The following FBXL20 variants were observed in gnomAD, a reference collection of about 807,000 sequenced individuals.
FBXL20 encodes the protein F-box and leucine rich repeat protein 20, also known as F-box/LRR-repeat protein 20.
In FBXL20, 11 loss-of-function variants were observed where a neutral mutation model predicts 64.0. That is an observed-to-expected ratio of 0.17 (90% CI 0.11 to 0.28). The LOEUF (loss-of-function observed/expected upper bound fraction) is 0.28, where lower values mean the gene tolerates loss of function less well. Among genes scored for constraint, FBXL20 ranks in the 10% least tolerant of loss-of-function variants. The pLI is 1.00. For synonymous variants in FBXL20, 184 were observed against 189.0 expected, an observed-to-expected ratio of 0.97 and a Z score of 0.22; for missense variants, 303 against 526.2, an observed-to-expected ratio of 0.58 and a Z score of 4.15.
chr17:39,401,770 C>T (rs1417317211), upstream of FBXL20: 1 of 1,026,700 alleles, frequency 9.7e-7, no homozygotes, highest in Non-Finnish European at 1.2e-6. Flanking sequence ...GGCGCGAGAC[C>T]ACCCCTCCCC....
In FBXL20 at chr17:39,337,027, T is replaced by C. The variant is rs188896661; in HGVS notation, c.104+6153A>G. Among the ~76,000 whole-genome samples, 219 of 150,992 alleles carry C rather than the reference T, an allele frequency of 1.5e-3. 1 individual carries two copies. Among genetic ancestry groups the C allele is most frequent in the African/African-American group, 5.3e-3 (214 of 40,490 alleles). ...TCCCTCTCTTTCCACCGTCTCCCTC[T>C]GATGCTGAGCCGAAGCTGGACTGTA... On this transcript the variant is annotated intron_variant, in intron 2 of 14. Transcript: ENST00000264658.
chr17:39,379,998 A>G (rs1220238708), intron 1 of FBXL20, among the ~76,000 whole-genome samples: 3 of 151,968 alleles, frequency 2.0e-5, no homozygotes, highest in Non-Finnish European at 4.4e-5. Context: ...AATTAGAAAT[A>G]AATATATATA....
At chr17:39,364,230 T>C (rs2047835628) in intron 1 of FBXL20, among the ~76,000 whole-genome samples, 1 of 152,176 alleles carries the variant, frequency 6.6e-6, no homozygotes, top group Admixed American at 6.6e-5. Flanking sequence ...CCCTTTGCAA[T>C]GCAATTTTGT....
At chr17:39,283,217 G>A (rs2046962360) in intron 7 of FBXL20, among the ~76,000 whole-genome samples, 1 of 152,132 alleles carries the variant, frequency 6.6e-6, no homozygotes, top group South Asian at 2.1e-4. Context: ...TTCAAAACGA[G>A]ATTCTCCATC....
At chr17:39,280,728 C>T (rs1239095052) in intron 9 of FBXL20, among the ~76,000 whole-genome samples, 1 of 151,962 alleles carries the variant, frequency 6.6e-6, no homozygotes, top group Non-Finnish European at 1.5e-5. Flanking sequence ...AATATAGATG[C>T]TACTTGAAAA....
chr17:39,307,438 T>C (rs541610804), intron 2 of FBXL20, among the ~76,000 whole-genome samples: 1 of 152,104 alleles, frequency 6.6e-6, no homozygotes, highest in African/African-American at 2.4e-5. Context: ...GTAGACGAAA[T>C]AGTGGGTGTA....
At chr17:39,312,107 A>G (rs996554124) in intron 2 of FBXL20, among the ~76,000 whole-genome samples, 1 of 152,156 alleles carries the variant, frequency 6.6e-6, no homozygotes, top group Non-Finnish European at 1.5e-5. Context: ...TATAGTCACT[A>G]TGTTCCTCTA....
intron 2 of FBXL20, among the ~76,000 whole-genome samples, chr17:39,333,947 A>C (rs999436728): frequency 1.0e-4 from 15 of 147,386 alleles, no homozygotes; most frequent in Admixed American, 2.7e-4. Context: ...CCCTCTGCCC[A>C]GCCGCCACCC....
chr17:39,266,975 AG>A (rs1471566712), intron 12 of FBXL20, among the ~76,000 whole-genome samples: 1 of 151,654 alleles, frequency 6.6e-6, no homozygotes. Flanking sequence ...GAGCAGGGCC[AG>A]ACATGGTAGT....
chr17:39,337,714 T>C (rs1324606599), intron 2 of FBXL20, among the ~76,000 whole-genome samples: 2 of 148,088 alleles, frequency 1.4e-5, no homozygotes, highest in East Asian at 2.1e-4. Flanking sequence ...GCCCGGCAGT[T>C]GCCCCGTCTG....
intron 1 of FBXL20, among the ~76,000 whole-genome samples, chr17:39,396,608 A>AAG (rs1555616348): frequency 6.6e-6 from 1 of 151,152 alleles, no homozygotes; most frequent in African/African-American, 2.4e-5. Flanking sequence ...AAAAAAAAAA[A>AAG]AAAGAAAGAA....
At chr17:39,319,157 G>C (rs910626247) in intron 2 of FBXL20, among the ~76,000 whole-genome samples, 1 of 151,820 alleles carries the variant, frequency 6.6e-6, no homozygotes, top group Non-Finnish European at 1.5e-5. Context: ...GCTGAGGCAG[G>C]AGAATCGCTT....
chr17:39,331,357 T>G (rs951133607), intron 2 of FBXL20, among the ~76,000 whole-genome samples: 1 of 152,206 alleles, frequency 6.6e-6, no homozygotes, highest in African/African-American at 2.4e-5. Flanking sequence ...CGCCTCGGCC[T>G]CCCAGAGTGC....
rs999195071 is a variant in FBXL20, at chr17:39,253,444, T to G, written c.*8016A>C. The G allele has an allele frequency of 6.6e-6, 1 of 152,150 alleles. No homozygotes were observed. Among genetic ancestry groups the G allele is most frequent in the Non-Finnish European group, 1.5e-5 (1 of 68,020 alleles). The allele number at this position is 152,150 out of a possible 1,614,324, so 9.4% of individuals were successfully genotyped here. A position where few individuals can be genotyped will look rare whatever the true frequency, so the allele number is the denominator to read the frequency against. ...AAACAGGAATGGAGAAAAACAAAAT[T>G]AAGAAATGCAAAATTAAGAAGGCCG... On this transcript the variant is annotated 3_prime_UTR_variant, in exon 15 of 15. Transcript: ENST00000264658.
At chr17:39,338,304 C>T (rs1264936590) in intron 2 of FBXL20, among the ~76,000 whole-genome samples, 1 of 152,150 alleles carries the variant, frequency 6.6e-6, no homozygotes, top group Non-Finnish European at 1.5e-5. Context: ...AAGGGTGGTG[C>T]AAGATGTTTT....
chr17:39,353,600 T>TTATG (rs1451603186), intron 1 of FBXL20, among the ~76,000 whole-genome samples: 3 of 13,612 alleles, frequency 2.2e-4, no homozygotes, highest in Non-Finnish European at 4.8e-4. Context: ...CCACTACACC[T>TTATG]TATTTATTTA....
chr17:39,398,041 G>GGGGT (rs1555616511), intron 1 of FBXL20, among the ~76,000 whole-genome samples: 1 of 25,388 alleles, frequency 3.9e-5, no homozygotes, highest in African/African-American at 1.8e-4. Flanking sequence ...GCCGGCGGGC[G>GGGGT]GGGGGGGGGG....
chr17:39,319,240 T>G (rs2047326586), intron 2 of FBXL20, among the ~76,000 whole-genome samples: 1 of 150,744 alleles, frequency 6.6e-6, no homozygotes, highest in Non-Finnish European at 1.5e-5. Context: ...AGAGCAAGAC[T>G]CCATCTCAAA....
At chr17:39,326,363 T>TA (rs1239233052) in intron 2 of FBXL20, among the ~76,000 whole-genome samples, 5 of 151,298 alleles carry the variant, frequency 3.3e-5, no homozygotes, top group African/African-American at 4.9e-5. Flanking sequence ...AAAGTTAACT[T>TA]AAAAAAAAAT....
Sources: gnomAD v4.1 joint callset for allele counts (sites outside exome capture counted in the v4.1 genomes callset) on GRCh38, gnomAD v4.1.1 for gene constraint, MANE v1.5 for transcripts, NCBI Gene and HGNC (gene_info 2026-07-23, HGNC 2026-07-21) for gene names.